The following GSE1 variants were observed in gnomAD, a reference collection of about 807,000 sequenced individuals.
The protein encoded by GSE1 is Gse1 coiled-coil protein.
A neutral mutation model predicts 112.6 loss-of-function variants in GSE1; 32 were observed. The observed-to-expected ratio is 0.28, with a 90% CI of 0.21 to 0.38. The LOEUF (loss-of-function observed/expected upper bound fraction) is 0.38. GSE1 is among the 10% of genes least tolerant of loss of function. The pLI, the probability that GSE1 is intolerant of heterozygous loss-of-function variation, is 1.00. For missense variants in GSE1, 2,348 were observed against 1,699.2 expected (o/e 1.38, Z -6.71); for synonymous variants, 1,115 against 735.6 (o/e 1.52, Z -8.35).
chr16:85,428,027 C>T (rs2049032221), intron 2 of GSE1, among the ~76,000 whole-genome samples: 1 of 152,330 alleles, frequency 6.6e-6, no homozygotes, highest in Middle Eastern at 3.4e-3. Flanking sequence ...TGCTCCATGG[C>T]CATGCGTGGC....
intron 2 of GSE1, among the ~76,000 whole-genome samples, chr16:85,421,308 C>T (rs7202376): frequency 0.019 from 2,849 of 152,080 alleles, 71 homozygotes; most frequent in African/African-American, 0.065. Flanking sequence ...GGATGGGAGC[C>T]TAGGGCATCC....
chr16:85,358,440 C>A (rs894095281), intron 2 of GSE1, among the ~76,000 whole-genome samples: 1 of 152,216 alleles, frequency 6.6e-6, no homozygotes, highest in Non-Finnish European at 1.5e-5. Flanking sequence ...GCCCCCATCG[C>A]TGCCCCCACA....
intron 1 of GSE1, among the ~76,000 whole-genome samples, chr16:85,183,146 C>T (rs2074628460): frequency 6.6e-6 from 1 of 152,162 alleles, no homozygotes; most frequent in African/African-American, 2.4e-5. Flanking sequence ...CATTCGCACT[C>T]ATACACCTGC....
chr16:85,212,512 A>G (rs147053669), intron 1 of GSE1, among the ~76,000 whole-genome samples: 1 of 152,316 alleles, frequency 6.6e-6, no homozygotes, highest in African/African-American at 2.4e-5. Flanking sequence ...GGACACAGAT[A>G]TTGCATAGAG....
At chr16:85,555,039 T>A, upstream of GSE1, 3 of 985,074 alleles carry the variant, frequency 3.0e-6, no homozygotes, top group Non-Finnish European at 3.6e-6. Flanking sequence ...AGCTCGCAAG[T>A]GAAACTATTA....
chr16:85,568,378 G>C (rs2045847170), intron 1 of GSE1, among the ~76,000 whole-genome samples: 3 of 152,194 alleles, frequency 2.0e-5, no homozygotes, highest in Admixed American at 2.0e-4. Flanking sequence ...ATAATAGTGA[G>C]GGTTGTCTCT....
chr16:85,469,252 TA>T (rs58566689), intron 2 of GSE1, among the ~76,000 whole-genome samples: 22,501 of 144,092 alleles, frequency 0.16, 2,699 homozygotes, highest in African/African-American at 0.35. Flanking sequence ...AAACTCCATC[TA>T]AAAAAAAAAA....
At position 85,453,167 on chromosome 16, in the gene GSE1, CG is replaced by C. The variant is rs528177226; in HGVS notation, c.2464+95529del. On this transcript the variant is annotated intron_variant, in intron 2 of 2. Coordinates refer to the GSE1 transcript ENST00000637419. Reference sequence around the variant, plus strand: ...AGGCAGTCCTTTCCAGCTCCCGTATCGGGGGAAGGTTCTAGATTTAGACATT... The same window carrying C: ...AGGCAGTCCTTTCCAGCTCCCGTATCGGGGAAGGTTCTAGATTTAGACATT... Among the ~76,000 whole-genome samples the C allele has an allele frequency of 1.1e-3, 172 of 152,188 alleles. 1 individual carries two copies. The highest frequency in any genetic ancestry group is 2.1e-3 in the Non-Finnish European group (142 of 68,002).
At chr16:85,242,270 G>A (rs913095953) in intron 1 of GSE1, among the ~76,000 whole-genome samples, 1 of 152,100 alleles carries the variant, frequency 6.6e-6, no homozygotes, top group Non-Finnish European at 1.5e-5. Context: ...GCAAGCAGCC[G>A]CCCTCCTGCT....
intron 2 of GSE1, among the ~76,000 whole-genome samples, chr16:85,473,132 C>G (rs993762536): frequency 2.0e-5 from 3 of 152,270 alleles, no homozygotes; most frequent in African/African-American, 7.2e-5. Flanking sequence ...GAGGGCCACG[C>G]AGAAACTGTC....
upstream of GSE1, chr16:85,613,188 G>A: frequency 7.0e-7 from 1 of 1,424,164 alleles, no homozygotes; most frequent in Non-Finnish European, 9.2e-7. Context: ...CAGTGGCCCG[G>A]GAGTGGGCGG....
intron 1 of GSE1, among the ~76,000 whole-genome samples, chr16:85,277,087 A>G (rs1038494143): frequency 2.3e-4 from 35 of 152,112 alleles, no homozygotes; most frequent in African/African-American, 8.2e-4. Context: ...AATCTGGGGA[A>G]GGAGCTGGGG....
At chr16:85,511,679 C>G (rs1250655476) in intron 2 of GSE1, among the ~76,000 whole-genome samples, 1 of 152,122 alleles carries the variant, frequency 6.6e-6, no homozygotes, top group Non-Finnish European at 1.5e-5. Context: ...TCCAGGTGGC[C>G]TAAATGCAAT....
At chr16:85,449,267 A>G (rs1255035894) in intron 2 of GSE1, among the ~76,000 whole-genome samples, 3 of 152,232 alleles carry the variant, frequency 2.0e-5, no homozygotes, top group East Asian at 3.9e-4. Context: ...GAGCCATTCA[A>G]GAGGCGCCAG....
At chr16:85,274,730 T>TC (rs1333145767) in intron 1 of GSE1, among the ~76,000 whole-genome samples, 1 of 152,216 alleles carries the variant, frequency 6.6e-6, no homozygotes, top group Non-Finnish European at 1.5e-5. Context: ...AGAGCGCTGG[T>TC]CCAGGCTGAC....
chr16:85,196,250 T>A (rs1054736649), intron 1 of GSE1, among the ~76,000 whole-genome samples: 3 of 152,114 alleles, frequency 2.0e-5, no homozygotes, highest in Admixed American at 2.0e-4. Context: ...TGTTGAGTAA[T>A]GTGCATGGGA....
intron 1 of GSE1, among the ~76,000 whole-genome samples, chr16:85,205,908 C>T (rs909514896): frequency 1.3e-5 from 2 of 152,252 alleles, no homozygotes; most frequent in African/African-American, 4.8e-5. Flanking sequence ...CGTCACGTGC[C>T]TGCAAGACAG....
At chr16:85,236,387 C>T (rs947971841) in intron 1 of GSE1, among the ~76,000 whole-genome samples, 3 of 152,116 alleles carry the variant, frequency 2.0e-5, no homozygotes, top group African/African-American at 4.8e-5. Flanking sequence ...GTTGCATGGC[C>T]CTGGCTGGGT....
At chr16:85,494,749 G>A (rs908027546) in intron 2 of GSE1, among the ~76,000 whole-genome samples, 2 of 152,176 alleles carry the variant, frequency 1.3e-5, no homozygotes, top group Non-Finnish European at 2.9e-5. Context: ...ATAAATTTGG[G>A]GGGAACTCTA....
Sources: allele counts gnomAD v4.1 joint callset (sites outside exome capture counted in the v4.1 genomes callset), GRCh38; gene constraint gnomAD v4.1.1; transcripts MANE v1.5; gene names NCBI Gene and HGNC (gene_info 2026-07-23, HGNC 2026-07-21).